The following CCSER1 variants were observed in gnomAD, a reference collection of about 807,000 sequenced individuals.
CCSER1 encodes serine-rich coiled-coil domain-containing protein 1.
CCSER1 carries 41 observed loss-of-function variants against 82.0 expected under a neutral mutation model. The observed-to-expected ratio is 0.50, with a 90% CI of 0.39 to 0.65. The LOEUF (loss-of-function observed/expected upper bound fraction) is 0.65. Ranked by LOEUF, CCSER1 falls within the 30% of genes least tolerant of loss-of-function variation. CCSER1 has a pLI of 0.00. For missense variants in CCSER1, 1,119 were observed against 1,064.2 expected (o/e 1.05, Z -0.72); for synonymous variants, 414 against 383.9 (o/e 1.08, Z -0.92).
intron 6 of CCSER1, among the ~76,000 whole-genome samples, chr4:90,668,155 A>T (rs1325615426): frequency 6.6e-6 from 1 of 152,180 alleles, no homozygotes; most frequent in Admixed American, 6.5e-5. Flanking sequence ...AATCTTCTAG[A>T]AGCAGTGTTC....
chr4:90,984,605 A>C (rs1465700785), intron 9 of CCSER1, among the ~76,000 whole-genome samples: 1 of 151,744 alleles, frequency 6.6e-6, no homozygotes, highest in Admixed American at 6.6e-5. Flanking sequence ...TCAATAACTA[A>C]CTTATTGACT....
chr4:91,148,131 T>C (rs1251269651), intron 10 of CCSER1, among the ~76,000 whole-genome samples: 1 of 152,182 alleles, frequency 6.6e-6, no homozygotes, highest in East Asian at 1.9e-4. Flanking sequence ...TTTAAGAAAA[T>C]TTATGATAAT....
rs528953098 is a variant in CCSER1, at chr4:90,399,529, T to C, written c.1510-507T>C. Among the ~76,000 whole-genome samples, 87 of 152,252 alleles carry C rather than the reference T, an allele frequency of 5.7e-4. 1 individual carries two copies. The highest frequency in any genetic ancestry group is 9.7e-4 in the Non-Finnish European group (66 of 67,946). On this transcript the variant is annotated intron_variant, in intron 3 of 10. Coordinates refer to ENST00000509176, the MANE Select transcript of CCSER1 (RefSeq NM_001145065.2). ...TTGAAAAACAATTCATTAAATGTGT[T>C]AGAAGAATGTTACCTACATTTGAAA...
At chr4:91,412,165 T>A (rs933390917) in intron 10 of CCSER1, among the ~76,000 whole-genome samples, 5 of 152,152 alleles carry the variant, frequency 3.3e-5, no homozygotes, top group African/African-American at 1.2e-4. Context: ...GCCAGATCTC[T>A]AATCATGGTC....
At chr4:91,428,094 A>G (rs996906315) in intron 10 of CCSER1, among the ~76,000 whole-genome samples, 2 of 152,048 alleles carry the variant, frequency 1.3e-5, no homozygotes, top group African/African-American at 4.8e-5. Context: ...GACACCTGAT[A>G]AGATTTTGTT....
intron 1 of CCSER1, among the ~76,000 whole-genome samples, chr4:90,177,501 G>A (rs1385871562): frequency 1.3e-5 from 2 of 152,054 alleles, no homozygotes; most frequent in East Asian, 3.9e-4. Context: ...TATTGATGGC[G>A]TACACTTAGA....
At chr4:90,952,621 A>G (rs1383515171) in intron 9 of CCSER1, among the ~76,000 whole-genome samples, 1 of 151,982 alleles carries the variant, frequency 6.6e-6, no homozygotes, top group Non-Finnish European at 1.5e-5. Flanking sequence ...TGCCTGAGGA[A>G]GCATCATAAT....
intron 9 of CCSER1, among the ~76,000 whole-genome samples, chr4:90,991,895 T>C (rs1737065100): frequency 2.6e-5 from 4 of 152,064 alleles, no homozygotes. Context: ...AATCTGGCTT[T>C]GGATGTTACT....
intron 10 of CCSER1, among the ~76,000 whole-genome samples, chr4:91,187,225 T>G (rs1353381012): frequency 1.3e-5 from 2 of 152,218 alleles, no homozygotes; most frequent in Non-Finnish European, 2.9e-5. Context: ...AATCACCCAC[T>G]TCTGCGTTGC....
chr4:91,003,828 C>T (rs1260921274), intron 9 of CCSER1, among the ~76,000 whole-genome samples: 2 of 152,194 alleles, frequency 1.3e-5, no homozygotes, highest in African/African-American at 4.8e-5. Context: ...TGGCTGCCCT[C>T]CCCAAGGGCC....
At chr4:91,552,840 C>A (rs1294982449) in intron 10 of CCSER1, among the ~76,000 whole-genome samples, 2 of 151,288 alleles carry the variant, frequency 1.3e-5, no homozygotes, top group African/African-American at 2.4e-5. Context: ...ATTTTTTCTT[C>A]CTTTTTTATT....
intron 9 of CCSER1, among the ~76,000 whole-genome samples, chr4:91,077,733 G>A (rs1330103525): frequency 6.6e-6 from 1 of 152,142 alleles, no homozygotes; most frequent in Non-Finnish European, 1.5e-5. Context: ...GGAAAATTGG[G>A]GCACTCCCAC....
At chr4:91,358,599 G>A (rs533405744) in intron 10 of CCSER1, among the ~76,000 whole-genome samples, 2 of 152,174 alleles carry the variant, frequency 1.3e-5, no homozygotes, top group South Asian at 4.2e-4. Flanking sequence ...GTCAAAACCA[G>A]AACAAGAGTG....
At chr4:91,022,838 C>A (rs1244572108) in intron 9 of CCSER1, among the ~76,000 whole-genome samples, 5 of 152,156 alleles carry the variant, frequency 3.3e-5, no homozygotes, top group Non-Finnish European at 1.5e-5. Flanking sequence ...ATATCCTTCA[C>A]CCACTTTTTG....
chr4:91,547,590 C>T (rs1761953966), intron 10 of CCSER1, among the ~76,000 whole-genome samples: 1 of 152,120 alleles, frequency 6.6e-6, no homozygotes. Context: ...TGGGTTCTTA[C>T]AGACAACATG....
At chr4:90,389,103 A>G (rs1010750503) in intron 3 of CCSER1, among the ~76,000 whole-genome samples, 1 of 152,204 alleles carries the variant, frequency 6.6e-6, no homozygotes, top group African/African-American at 2.4e-5. Flanking sequence ...GAAGGTCTTA[A>G]TTTTGCTTTG....
At position 90,276,960 on chromosome 4, in the gene CCSER1, A is replaced by G. The variant is rs147015314; in HGVS notation, c.-41-31284A>G. ...TTTTATACATTGGTTTTGCATCCTG[A>G]AACATTACTGAAGTCATTTTCAGTT... On this transcript the variant is annotated intron_variant, in intron 1 of 10. Transcript: ENST00000509176. 2.6e-3 allele frequency among the ~76,000 whole-genome samples: 396 copies of G among 152,262 alleles called. 1 individual carries two copies. The highest frequency in any genetic ancestry group is 8.8e-3 in the African/African-American group (364 of 41,562).
rs147690180 is a variant in CCSER1, at chr4:91,209,925, C to T, written c.2217+123931C>T. On this transcript the variant is annotated intron_variant, in intron 10 of 10. Coordinates refer to ENST00000509176, the MANE Select transcript of CCSER1 (RefSeq NM_001145065.2). ...CTGAGAATGATTAGAAACAGCGTGC[C>T]TCAGTGCAATGAGCATACCTACCAC... Among the ~76,000 whole-genome samples, 9 of 151,770 alleles carry T rather than the reference C, an allele frequency of 5.9e-5. No homozygotes were observed. In the East Asian group the frequency reaches 1.7e-3, roughly 29 times the overall value.
intron 9 of CCSER1, among the ~76,000 whole-genome samples, chr4:91,051,233 A>C (rs1561503844): frequency 6.6e-6 from 1 of 152,212 alleles, no homozygotes; most frequent in Non-Finnish European, 1.5e-5. Flanking sequence ...AGCCCAATGC[A>C]AATTATATCA....
Sources: gnomAD v4.1 joint callset for allele counts (sites outside exome capture counted in the v4.1 genomes callset) on GRCh38, gnomAD v4.1.1 for gene constraint, MANE v1.5 for transcripts, NCBI Gene and HGNC (gene_info 2026-07-23, HGNC 2026-07-21) for gene names.